The following KCNAB2 variants were observed in gnomAD, a reference collection of about 807,000 sequenced individuals.
The protein encoded by KCNAB2 is voltage-gated potassium channel subunit beta-2.
Under a neutral mutation model 63.6 loss-of-function variants are expected in KCNAB2, and 29 were observed. The ratio of observed to expected loss-of-function variants is 0.46; its 90% CI spans 0.34 to 0.62. The LOEUF is 0.62. Among genes scored for constraint, KCNAB2 ranks in the 20% least tolerant of loss-of-function variants. KCNAB2 has a pLI of 0.01. For missense variants in KCNAB2, 359 were observed against 563.9 expected, an observed-to-expected ratio of 0.64 and a Z score of 3.68; for synonymous variants, 222 against 224.2, an observed-to-expected ratio of 0.99 and a Z score of 0.09.
chr1:6,000,595 G>A (rs1309000629), intron 1 of KCNAB2, among the ~76,000 whole-genome samples: 9 of 151,020 alleles, frequency 6.0e-5, no homozygotes, highest in Middle Eastern at 3.4e-3. Flanking sequence ...CCCACCCCCC[G>A]CCGCTCTGCT....
chr1:6,090,614 G>A, intron 9 of KCNAB2, 139 bp downstream of exon 9: 3 of 643,324 alleles, frequency 4.7e-6, no homozygotes, highest in East Asian at 2.8e-5. Flanking sequence ...CCAGGGTGGG[G>A]GGCGAGGGGG....
At position 6,100,197 on chromosome 1, in the gene KCNAB2, G is replaced by C. The variant is rs1665939938; in HGVS notation, c.*1623G>C. 1.8e-6 allele frequency: 2 copies of C among 1,111,660 alleles called. No individual in the cohort carries two copies. The highest frequency in any genetic ancestry group is 2.1e-5 in the South Asian group (1 of 47,290). 68.9% of individuals were successfully genotyped at this position (1,111,660 alleles called of 1,614,324 possible). On this transcript the variant is annotated 3_prime_UTR_variant, in exon 16 of 16. Transcript: ENST00000378083. ...CTGGGAAACTGTGAAAGTCAGAAAG[G>C]CCAGCGGGGAGAGGCTGGGGCGAGG... is the stretch of plus-strand genomic sequence containing the variant.
chr1:6,030,502 A>G (rs1365028992), upstream of KCNAB2, among the ~76,000 whole-genome samples: 1 of 150,782 alleles, frequency 6.6e-6, no homozygotes, highest in African/African-American at 2.4e-5. Flanking sequence ...TGCATTGTGT[A>G]TATGTGTTAT....
chr1:6,098,674 C>A lies in KCNAB2; in HGVS notation c.*100C>A. The A allele has an allele frequency of 1.4e-6, 2 of 1,435,760 alleles. No homozygotes were observed. Among genetic ancestry groups the A allele is most frequent in the East Asian group, 2.4e-5 (1 of 41,290 alleles). The allele number at this position is 1,435,760 out of a possible 1,614,324, so 88.9% of individuals were successfully genotyped here. On this transcript the variant is annotated 3_prime_UTR_variant, in exon 16 of 16. Coordinates refer to ENST00000378083, the MANE Select transcript of KCNAB2 (RefSeq NM_001199862.2). Reference sequence around the variant, plus strand: ...GCCAAGTGAAGAGTGTGGTTTGCATCCAAGAGAAAACACCACACTGTGATG... The same window carrying A: ...GCCAAGTGAAGAGTGTGGTTTGCATACAAGAGAAAACACCACACTGTGATG...
intron 4 of KCNAB2, among the ~76,000 whole-genome samples, chr1:6,077,994 C>T (rs751327430): frequency 2.3e-4 from 35 of 152,208 alleles, no homozygotes; most frequent in African/African-American, 3.6e-4. Context: ...GATCCAAACT[C>T]GGTACCCCTG....
At chr1:6,047,523 C>A (rs115964362) in intron 1 of KCNAB2, among the ~76,000 whole-genome samples, 2,549 of 152,282 alleles carry the variant, frequency 0.017, 58 homozygotes, top group African/African-American at 0.058. Context: ...GAGTCCCCCC[C>A]ACACAAGAGA....
At chr1:6,057,370 G>A (rs1031610606) in intron 2 of KCNAB2, among the ~76,000 whole-genome samples, 1 of 152,104 alleles carries the variant, frequency 6.6e-6, no homozygotes, top group Non-Finnish European at 1.5e-5. Context: ...TTAACCATAG[G>A]CCATCACTTC....
rs3789555 is a variant in KCNAB2, at chr1:6,049,363, G to A, written c.-26-2148G>A. On this transcript the variant is annotated intron_variant, in intron 1 of 15. Coordinates refer to ENST00000378083, the MANE Select transcript of KCNAB2 (RefSeq NM_001199862.2). ...TGCCCTCCTGGACTCAACCTTCAGG[G>A]GAGTGAATTCAGCACACAGGACAGC... Among the ~76,000 whole-genome samples the A allele has an allele frequency of 2.0e-5, 3 of 152,346 alleles. No individual in the cohort carries two copies. In the East Asian group the frequency reaches 5.8e-4, roughly 29 times the overall value.
intron 7 of KCNAB2, among the ~76,000 whole-genome samples, chr1:6,088,705 ATAATAAT>A (rs1345452533): frequency 3.1e-4 from 15 of 48,356 alleles, no homozygotes; most frequent in African/African-American, 1.4e-3. Context: ...AATTTAAAAA[ATAATAAT>A]AATAATAATA....
chr1:6,082,243 T>C lies in KCNAB2; in HGVS notation c.349T>C (p.Phe117Leu). Residue 117 changes from phenylalanine to leucine, a missense_variant, in exon 5 of 16, where the codon TTC becomes CTC. This residue lies in a region of KCNAB2 where 271 missense variants were observed against 476.1 expected (regional missense o/e 0.57). Coordinates refer to ENST00000378083, the MANE Select transcript of KCNAB2 (RefSeq NM_001199862.2). The stretch of plus-strand genomic sequence containing the variant: ...GGCCTATGATAATGGCATCAACCTC[T>C]TCGATACAGCAGAAGTCTACGCAGC... ...TLAYDNGINL[F>L]DTAEVYAAGK... 3 of 1,613,856 alleles carry C rather than the reference T, an allele frequency of 1.9e-6. No homozygotes were observed. The highest frequency in any genetic ancestry group is 1.7e-6 in the Non-Finnish European group (2 of 1,179,816).
At chr1:6,041,713 G>A (rs41275470), upstream of KCNAB2, 10,938 of 869,782 alleles carry the variant, frequency 0.013, 86 homozygotes, top group Middle Eastern at 0.023. Flanking sequence ...TGGGGGCCCG[G>A]GGGCATGGGA....
intron 1 of KCNAB2, among the ~76,000 whole-genome samples, chr1:6,013,650 G>A (rs544544237): frequency 1.3e-5 from 2 of 152,164 alleles, no homozygotes; most frequent in South Asian, 4.2e-4. Context: ...CTGCACCCCT[G>A]TCTTCCCCCT....
At chr1:5,999,899 T>C (rs114303884) in intron 1 of KCNAB2, among the ~76,000 whole-genome samples, 2,336 of 149,532 alleles carry the variant, frequency 0.016, 46 homozygotes, top group African/African-American at 0.052. Flanking sequence ...CCTGTCTGTG[T>C]CGTCTGTGCC....
chr1:6,004,744 C>A (rs1169262921), intron 1 of KCNAB2, among the ~76,000 whole-genome samples: 1 of 152,192 alleles, frequency 6.6e-6, no homozygotes, highest in Non-Finnish European at 1.5e-5. Context: ...CCAAATAATT[C>A]CACATCGACA....
chr1:6,091,496 G>T lies in KCNAB2; in HGVS notation c.646+189G>T, dbSNP rs568268385. On this transcript the variant is annotated intron_variant, in intron 10 of 15. Coordinates refer to ENST00000378083, the MANE Select transcript of KCNAB2 (RefSeq NM_001199862.2). ...AAGCAAAGTGGTGTTGGAGCCCCTC[G>T]CCCCCAGCCCCCCATCCCCTCGTTC... Among the ~76,000 whole-genome samples the T allele has an allele frequency of 2.0e-5, 3 of 150,308 alleles. No homozygotes were observed. The South Asian group carries it at 6.4e-4, about 32-fold the overall frequency.
At position 6,096,604 on chromosome 1, in the gene KCNAB2, G is replaced by A. The variant is rs201670781; in HGVS notation, c.949-32G>A. The stretch of plus-strand genomic sequence containing the variant: ...GGGTCCAGGTGACCTGCTCTCATCT[G>A]TAGCTGTGCTGCTCCCCTCCCCCGC... On this transcript the variant is annotated intron_variant, in intron 13 of 15. Transcript: ENST00000378083. The surrounding 1 kb of genome is among the most constrained non-coding windows in gnomAD (Gnocchi z 5.9). 7.7e-5 allele frequency: 123 copies of A among 1,601,496 alleles called. 2 individuals are homozygous for A. Among genetic ancestry groups the A allele is most frequent in the Non-Finnish European group, 1.1e-5 (13 of 1,173,948 alleles).
Position 6,078,283 on chromosome 1 carries a change from T to C in KCNAB2, c.301-3912T>C, listed in dbSNP as rs973693783. On this transcript the variant is annotated intron_variant, in intron 4 of 15. Transcript: ENST00000378083. This position sits in a 1 kb window ranked among gnomAD's most constrained non-coding sequence, Gnocchi z 4.2. Reference sequence around the variant, plus strand: ...TGATGGCACTGAGGGCCCACTTAGCTAAGCCAGGACATTCTCCCCACTGCA... The same window carrying C: ...TGATGGCACTGAGGGCCCACTTAGCCAAGCCAGGACATTCTCCCCACTGCA... Among the ~76,000 whole-genome samples the C allele has an allele frequency of 6.6e-6, 1 of 152,244 alleles. No individual in the cohort carries two copies. The highest frequency in any genetic ancestry group is 2.4e-5 in the African/African-American group (1 of 41,464).
chr1:5,998,203 G>T (rs1657041706), intron 1 of KCNAB2, among the ~76,000 whole-genome samples: 1 of 152,246 alleles, frequency 6.6e-6, no homozygotes, highest in Admixed American at 6.5e-5. Flanking sequence ...ATGAATATGG[G>T]TGAATAGGAT....
intron 8 of KCNAB2, among the ~76,000 whole-genome samples, 168 bp downstream of exon 8, chr1:6,089,219 G>A (rs1664970460): frequency 6.6e-6 from 1 of 152,254 alleles, no homozygotes; most frequent in African/African-American, 2.4e-5. Context: ...AGGTAGCACA[G>A]CGGGACGCTG....
Sources: allele counts gnomAD v4.1 joint callset (sites outside exome capture counted in the v4.1 genomes callset), GRCh38; gene constraint gnomAD v4.1.1; regional missense constraint gnomAD v4.1.1; non-coding constraint Gnocchi (gnomAD v3.1); transcripts MANE v1.5; gene names NCBI Gene and HGNC (gene_info 2026-07-23, HGNC 2026-07-21).